The following RBFOX1 variants were observed in gnomAD, a reference collection of about 807,000 sequenced individuals.
RBFOX1 encodes the protein RNA binding fox-1 homolog 1, also known as RNA binding protein fox-1 homolog 1.
In RBFOX1, 8 loss-of-function variants were observed where a neutral mutation model predicts 57.7. The observed-to-expected ratio is 0.14, with a 90% confidence interval of 0.08 to 0.25. The LOEUF is 0.25. RBFOX1 is among the 10% of genes least tolerant of loss of function. The probability of loss-of-function intolerance (pLI) is 1.00; values close to 1 mark genes in which losing one functional copy is unlikely to be tolerated. For synonymous variants in RBFOX1, 326 were observed against 222.4 expected (o/e 1.47, Z -4.15); for missense variants, 611 against 548.5 (o/e 1.11, Z -1.14).
chr16:5,363,606 C>G (rs1007560337), intron 1 of RBFOX1, among the ~76,000 whole-genome samples: 4 of 152,156 alleles, frequency 2.6e-5, no homozygotes, highest in Non-Finnish European at 5.9e-5. Flanking sequence ...CTGACTTTTC[C>G]CAACACCTCA....
chr16:6,532,795 C>G (rs1460367565), intron 2 of RBFOX1, among the ~76,000 whole-genome samples: 2 of 152,176 alleles, frequency 1.3e-5, no homozygotes, highest in Non-Finnish European at 2.9e-5. Flanking sequence ...GTTACCGTCT[C>G]TCTGTGCTCC....
At chr16:7,341,167 C>T (rs2145199853) in intron 4 of RBFOX1, among the ~76,000 whole-genome samples, 1 of 152,220 alleles carries the variant, frequency 6.6e-6, no homozygotes, top group African/African-American at 2.4e-5. Flanking sequence ...CACATCCCAC[C>T]AGCTTGCAAG....
rs533171883 is a variant in RBFOX1, at chr16:5,993,058, T to G, written c.351+125723T>G. The stretch of plus-strand genomic sequence containing the variant: ...CTTGAGCCTGATCTTTCTCTATGCT[T>G]ACCCACAGGCCCTCTCAAATCCACA... On this transcript the variant is annotated intron_variant, in intron 4 of 19. Coordinates refer to the RBFOX1 transcript ENST00000641259. Among the ~76,000 whole-genome samples, 8 of 152,286 alleles carry G rather than the reference T, an allele frequency of 5.3e-5. No individual in the cohort carries two copies. The South Asian group carries it at 1.7e-3, about 32-fold the overall frequency.
intron 4 of RBFOX1, among the ~76,000 whole-genome samples, chr16:7,191,428 C>T (rs534309913): frequency 2.0e-5 from 3 of 151,780 alleles, no homozygotes; most frequent in East Asian, 3.9e-4. Flanking sequence ...GTACAATTGT[C>T]CTCATGGCTT....
At chr16:7,150,731 C>T (rs1033073785) in intron 4 of RBFOX1, among the ~76,000 whole-genome samples, 2 of 152,160 alleles carry the variant, frequency 1.3e-5, no homozygotes. Flanking sequence ...TAACTTTTTG[C>T]TTCTTACTTG....
intron 4 of RBFOX1, among the ~76,000 whole-genome samples, chr16:5,930,466 G>C (rs1245406736): frequency 3.1e-5 from 1 of 32,162 alleles, no homozygotes; most frequent in Non-Finnish European, 5.6e-5. Context: ...GGGTGGGAGG[G>C]TGTGTATGTG....
intron 2 of RBFOX1, among the ~76,000 whole-genome samples, chr16:6,454,473 C>T (rs1162312227): frequency 6.6e-6 from 1 of 152,090 alleles, no homozygotes; most frequent in Non-Finnish European, 1.5e-5. Flanking sequence ...GGGAGGATCA[C>T]CTGAGCCTGG....
chr16:5,535,742 G>A (rs935746820), intron 2 of RBFOX1, among the ~76,000 whole-genome samples: 14 of 152,302 alleles, frequency 9.2e-5, no homozygotes, highest in Admixed American at 8.5e-4. Flanking sequence ...CCAAGTGACA[G>A]TGTTTCTGCT....
At chr16:5,804,054 A>G (rs929023337) in intron 3 of RBFOX1, among the ~76,000 whole-genome samples, 4 of 152,172 alleles carry the variant, frequency 2.6e-5, no homozygotes, top group African/African-American at 7.2e-5. Flanking sequence ...AATTGCATCT[A>G]TTCTTCCAGG....
chr16:5,733,235 A>T (rs993235320), intron 3 of RBFOX1, among the ~76,000 whole-genome samples: 5 of 152,192 alleles, frequency 3.3e-5, no homozygotes, highest in African/African-American at 1.2e-4. Flanking sequence ...CAGTTTCTAA[A>T]CTTTCACTTT....
chr16:7,111,618 C>T (rs887136003), intron 4 of RBFOX1, among the ~76,000 whole-genome samples: 4 of 152,058 alleles, frequency 2.6e-5, no homozygotes, highest in Admixed American at 2.6e-4. Context: ...TCCTGGGAGT[C>T]TTAGGAGTAA....
intron 1 of RBFOX1, among the ~76,000 whole-genome samples, chr16:5,406,399 A>T (rs2066868371): frequency 6.6e-6 from 1 of 152,130 alleles, no homozygotes; most frequent in Non-Finnish European, 1.5e-5. Flanking sequence ...CAATCTTCTT[A>T]TGCCTTCAGT....
At chr16:6,251,044 C>T (rs186670585) in intron 1 of RBFOX1, among the ~76,000 whole-genome samples, 22 of 152,130 alleles carry the variant, frequency 1.4e-4, no homozygotes, top group Non-Finnish European at 2.6e-4. Flanking sequence ...GCAATGGAAG[C>T]GGTGAAGTTT....
chr16:7,014,594 T>A lies in RBFOX1; in HGVS notation c.-15-37463T>A, dbSNP rs547120117. 2.6e-5 allele frequency among the ~76,000 whole-genome samples: 4 copies of A among 152,202 alleles called. No homozygotes were observed. The South Asian group carries it at 8.3e-4, about 32-fold the overall frequency. Reference sequence around the variant, plus strand: ...GTCTTAAACTGAATTTTAAAGGGGATAACTGTCTTTGCAAAAATACATTTA... The same window carrying A: ...GTCTTAAACTGAATTTTAAAGGGGAAAACTGTCTTTGCAAAAATACATTTA... On this transcript the variant is annotated intron_variant, in intron 3 of 15. Coordinates refer to ENST00000550418, the MANE Select transcript of RBFOX1 (RefSeq NM_018723.4).
At chr16:7,334,476 G>A (rs1413649989) in intron 4 of RBFOX1, among the ~76,000 whole-genome samples, 1 of 152,106 alleles carries the variant, frequency 6.6e-6, no homozygotes, top group African/African-American at 2.4e-5. Flanking sequence ...CAGACCCTCT[G>A]CCGACCCATC....
intron 2 of RBFOX1, among the ~76,000 whole-genome samples, chr16:5,485,989 C>G (rs994188955): frequency 6.6e-6 from 1 of 152,228 alleles, no homozygotes; most frequent in African/African-American, 2.4e-5. Flanking sequence ...TGCAAAGCAG[C>G]CAGCTCATAG....
At chr16:5,841,091 G>T (rs1055542441) in intron 3 of RBFOX1, among the ~76,000 whole-genome samples, 1 of 152,088 alleles carries the variant, frequency 6.6e-6, no homozygotes, top group African/African-American at 2.4e-5. Context: ...GAATAACCGT[G>T]GTGAATACTA....
At chr16:7,544,141 G>A (rs186462820) in intron 5 of RBFOX1, among the ~76,000 whole-genome samples, 9 of 152,308 alleles carry the variant, frequency 5.9e-5, no homozygotes, top group Admixed American at 2.0e-4. Flanking sequence ...TGAAACCAAC[G>A]CTTACTCCTA....
chr16:5,828,772 G>C (rs1045277087), intron 3 of RBFOX1, among the ~76,000 whole-genome samples: 12 of 152,184 alleles, frequency 7.9e-5, no homozygotes, highest in Non-Finnish European at 1.5e-5. Flanking sequence ...GGAGTGTGTG[G>C]AGTGCTGGGC....
Sources: allele counts gnomAD v4.1 joint callset (sites outside exome capture counted in the v4.1 genomes callset), GRCh38; gene constraint gnomAD v4.1.1; transcripts MANE v1.5; gene names NCBI Gene and HGNC (gene_info 2026-07-23, HGNC 2026-07-21).